The following FAR2 variants were observed in gnomAD, a reference collection of about 807,000 sequenced individuals.
FAR2 encodes epididymis secretory protein Li 81.
Under a neutral mutation model 56.0 loss-of-function variants are expected in FAR2, and 19 were observed. That is an observed-to-expected ratio of 0.34 (90% CI 0.24 to 0.50). FAR2 has a LOEUF of 0.50. Ranked by LOEUF, FAR2 falls within the 20% of genes least tolerant of loss-of-function variation. The pLI is 0.98. For missense variants in FAR2, 508 were observed against 642.2 expected (o/e 0.79, Z 2.26); for synonymous variants, 219 against 218.8 (o/e 1.00, Z -0.01).
At chr12:29,180,451 T>A (rs1949981302) in intron 1 of FAR2, among the ~76,000 whole-genome samples, 1 of 152,136 alleles carries the variant, frequency 6.6e-6, no homozygotes, top group South Asian at 2.1e-4. Flanking sequence ...CCTCTCCCAA[T>A]GAAACCCTCC....
At chr12:29,160,066 G>T (rs1334638421) in intron 1 of FAR2, among the ~76,000 whole-genome samples, 3 of 152,146 alleles carry the variant, frequency 2.0e-5, no homozygotes, top group African/African-American at 7.2e-5. Context: ...TGTCTGATGA[G>T]AGGATTTCTA....
intron 1 of FAR2, among the ~76,000 whole-genome samples, chr12:29,175,988 T>A (rs1949934462): frequency 1.3e-5 from 2 of 152,114 alleles, no homozygotes; most frequent in Non-Finnish European, 2.9e-5. Flanking sequence ...AAATTTAATA[T>A]CAAAAGTAAA....
At chr12:29,213,228 C>T (rs1362866617) in intron 1 of FAR2, among the ~76,000 whole-genome samples, 2 of 151,630 alleles carry the variant, frequency 1.3e-5, no homozygotes, top group Non-Finnish European at 2.9e-5. Flanking sequence ...TAGCAACAAG[C>T]AGAAGATGAG....
At chr12:29,230,862 G>A (rs1223448961) in intron 1 of FAR2, among the ~76,000 whole-genome samples, 1 of 152,190 alleles carries the variant, frequency 6.6e-6, no homozygotes, top group African/African-American at 2.4e-5. Flanking sequence ...TCAGGAGATT[G>A]TTTTGAGTCA....
intron 1 of FAR2, among the ~76,000 whole-genome samples, chr12:29,187,439 A>T (rs1334910299): frequency 6.6e-6 from 1 of 152,076 alleles, no homozygotes; most frequent in African/African-American, 2.4e-5. Flanking sequence ...TTTTATTTGG[A>T]TTTCAGATAC....
intron 1 of FAR2, among the ~76,000 whole-genome samples, chr12:29,214,312 A>G (rs1174007135): frequency 6.6e-6 from 1 of 152,206 alleles, no homozygotes; most frequent in Non-Finnish European, 1.5e-5. Context: ...AGCACATTAC[A>G]CACTCTAAAT....
At chr12:29,219,397 AT>A (rs1423547368) in intron 1 of FAR2, among the ~76,000 whole-genome samples, 1 of 152,196 alleles carries the variant, frequency 6.6e-6, no homozygotes, top group Non-Finnish European at 1.5e-5. Context: ...ATATCATAAC[AT>A]AACATAGGTG....
At chr12:29,284,527 CT>C (rs1948839294) in intron 2 of FAR2, among the ~76,000 whole-genome samples, 1 of 152,144 alleles carries the variant, frequency 6.6e-6, no homozygotes, top group Admixed American at 6.5e-5. Flanking sequence ...GGTAAATCAA[CT>C]TTGAAATACA....
intron 10 of FAR2, 133 bp downstream of exon 10, chr12:29,322,057 A>C (rs2136813153): frequency 7.5e-6 from 8 of 1,066,522 alleles, no homozygotes; most frequent in Non-Finnish European, 1.0e-5. Context: ...TTGTTTTTCT[A>C]AGAAAATCAG....
At chr12:29,312,101 T>C in intron 8 of FAR2, 151 bp downstream of exon 8, 1 of 582,700 alleles carries the variant, frequency 1.7e-6, no homozygotes, top group Non-Finnish European at 3.0e-6. Flanking sequence ...AAATGTGTGA[T>C]AGTTAACTAG....
intron 1 of FAR2, among the ~76,000 whole-genome samples, chr12:29,194,416 T>C (rs74413544): frequency 0.013 from 2,003 of 152,076 alleles, 30 homozygotes; most frequent in Middle Eastern, 0.027. Flanking sequence ...CTGCATTCCA[T>C]GAGACCCACT....
chr12:29,306,658 T>C (rs1949258208), intron 4 of FAR2, among the ~76,000 whole-genome samples: 1 of 152,240 alleles, frequency 6.6e-6, no homozygotes, highest in Admixed American at 6.5e-5. Context: ...GAATGTTAAA[T>C]ATATAATTGA....
At chr12:29,309,736 T>C (rs980331298) in intron 6 of FAR2, 2 of 152,816 alleles carry the variant, frequency 1.3e-5, no homozygotes, top group African/African-American at 4.8e-5. Flanking sequence ...CAAAAATCCA[T>C]GAATATAGGC....
rs55827253 is a variant in FAR2, at chr12:29,174,423, C to CTTTTTTTTT, written c.-39+25037_-39+25045dup. 2.2e-4 allele frequency among the ~76,000 whole-genome samples: 12 copies of CTTTTTTTTT among 55,436 alleles called. 1 individual carries two copies. The highest frequency in any genetic ancestry group is 2.0e-4 in the Non-Finnish European group (7 of 34,150). 36.4% of individuals were successfully genotyped at this position (55,436 alleles called of 152,430 possible). ...CCAGAGACAGGGAGTGGTTTTTATT[C>CTTTTTTTTT]TTTTTTTTTTTTTTTTTTTTTTTTT... On this transcript the variant is annotated intron_variant, in intron 1 of 11. Coordinates refer to ENST00000536681, the MANE Select transcript of FAR2 (RefSeq NM_001271783.2).
intron 10 of FAR2, among the ~76,000 whole-genome samples, chr12:29,329,173 C>A (rs573858155): frequency 4.5e-4 from 68 of 152,304 alleles, no homozygotes; most frequent in Middle Eastern, 3.4e-3. Flanking sequence ...AGACAAAATT[C>A]TTCAAACTAG....
chr12:29,174,166 A>G (rs1949913943), intron 1 of FAR2, among the ~76,000 whole-genome samples: 1 of 152,276 alleles, frequency 6.6e-6, no homozygotes, highest in Admixed American at 6.5e-5. Flanking sequence ...TAGGAAGGAT[A>G]TCATTTCTGA....
Position 29,321,732 on chromosome 12 carries a change from A to T in FAR2, c.1128-63A>T, listed in dbSNP as rs1949555209. 4.0e-6 allele frequency: 6 copies of T among 1,516,436 alleles called. No homozygotes were observed. In the East Asian group the frequency reaches 1.4e-4, roughly 36 times the overall value. The allele number at this position is 1,516,436 out of a possible 1,614,324, so 93.9% of individuals were successfully genotyped here. ...TTTTCTTAAAAATAATTTCTCATAC[A>T]TCCCTGTAGAGTGACAGGGAAGTGG... On this transcript the variant is annotated intron_variant, in intron 9 of 11. Transcript: ENST00000536681.
At position 29,154,121 on chromosome 12, in the gene FAR2, T is replaced by C. The variant is rs535755803; in HGVS notation, c.-39+4714T>C. Among the ~76,000 whole-genome samples the C allele has an allele frequency of 8.3e-4, 127 of 152,322 alleles. 1 individual carries two copies. The highest frequency in any genetic ancestry group is 2.9e-3 in the African/African-American group (120 of 41,576). On this transcript the variant is annotated intron_variant, in intron 1 of 11. Coordinates refer to ENST00000536681, the MANE Select transcript of FAR2 (RefSeq NM_001271783.2). ...CAGCATGACAGATATAGCTCCTGTCTTTCTGACTTGAGCACATAGATGGAA... is the reference window on the plus strand; with the variant it reads ...CAGCATGACAGATATAGCTCCTGTCCTTCTGACTTGAGCACATAGATGGAA...
At chr12:29,205,274 T>C (rs1947466284) in intron 1 of FAR2, among the ~76,000 whole-genome samples, 1 of 152,124 alleles carries the variant, frequency 6.6e-6, no homozygotes, top group Admixed American at 6.5e-5. Flanking sequence ...ATTACAGAGA[T>C]TTTCAGAGGT....
Sources: gnomAD v4.1 joint callset for allele counts (sites outside exome capture counted in the v4.1 genomes callset) on GRCh38, gnomAD v4.1.1 for gene constraint, MANE v1.5 for transcripts, NCBI Gene and HGNC (gene_info 2026-07-23, HGNC 2026-07-21) for gene names.